The following ANKIB1 variants were observed in gnomAD, a reference collection of about 807,000 sequenced individuals.
The protein encoded by ANKIB1 is ankyrin repeat and IBR domain containing 1, also known as ankyrin repeat and IBR domain-containing protein 1.
ANKIB1 carries 43 observed loss-of-function variants against 122.1 expected under a neutral mutation model. The ratio of observed to expected loss-of-function variants is 0.35; its 90% CI spans 0.28 to 0.45. ANKIB1 has a LOEUF of 0.45. Ranked by LOEUF, ANKIB1 falls within the 20% of genes least tolerant of loss-of-function variation. The pLI, the probability that ANKIB1 is intolerant of heterozygous loss-of-function variation, is 1.00. For missense variants in ANKIB1, 992 were observed against 1,329.5 expected, an observed-to-expected ratio of 0.75 and a Z score of 3.95; for synonymous variants, 390 against 442.0, an observed-to-expected ratio of 0.88 and a Z score of 1.48.
chr7:92,262,475 G>C (rs1260478931), intron 1 of ANKIB1, among the ~76,000 whole-genome samples: 1 of 152,168 alleles, frequency 6.6e-6, no homozygotes, highest in African/African-American at 2.4e-5. Flanking sequence ...TGAATTATCT[G>C]TATAGCAGAA....
intron 1 of ANKIB1, among the ~76,000 whole-genome samples, chr7:92,266,688 C>T (rs1460635939): frequency 1.3e-5 from 2 of 152,188 alleles, no homozygotes; most frequent in Non-Finnish European, 2.9e-5. Flanking sequence ...AAACTGTAGA[C>T]CTCTCTGGGA....
At chr7:92,314,835 T>C (rs1202673571) in intron 3 of ANKIB1, among the ~76,000 whole-genome samples, 1 of 152,140 alleles carries the variant, frequency 6.6e-6, no homozygotes, top group East Asian at 1.9e-4. Flanking sequence ...ACCAATGTAT[T>C]AGAAGGAGTG....
At chr7:92,251,177 G>T (rs188892381) in intron 1 of ANKIB1, among the ~76,000 whole-genome samples, 1 of 152,148 alleles carries the variant, frequency 6.6e-6, no homozygotes, top group Admixed American at 6.5e-5. Flanking sequence ...CATTAACAAT[G>T]ACTAAATTAT....
intron 1 of ANKIB1, among the ~76,000 whole-genome samples, chr7:92,252,642 T>C (rs759266549): frequency 2.0e-5 from 3 of 152,172 alleles, no homozygotes; most frequent in Non-Finnish European, 4.4e-5. Flanking sequence ...ATTTCAATTT[T>C]GTGAAATGTG....
intron 1 of ANKIB1, among the ~76,000 whole-genome samples, chr7:92,289,992 T>C (rs577478718): frequency 2.6e-5 from 4 of 152,324 alleles, no homozygotes; most frequent in Admixed American, 2.0e-4. Flanking sequence ...AATTTTTGTA[T>C]TTTTTGTAGA....
chr7:92,396,517 C>T (rs368601296), intron 18 of ANKIB1, 41 bp downstream of exon 18: 87 of 981,610 alleles, frequency 8.9e-5, no homozygotes, highest in Non-Finnish European at 5.5e-5. Flanking sequence ...TCATAGCTCC[C>T]CTGAATTTAT....
intron 11 of ANKIB1, among the ~76,000 whole-genome samples, chr7:92,379,395 AAAAC>A (rs1439169518): frequency 2.0e-5 from 3 of 152,232 alleles, no homozygotes; most frequent in Non-Finnish European, 4.4e-5. Flanking sequence ...CCATCTAAAA[AAAAC>A]TAATTCAGAA....
intron 10 of ANKIB1, among the ~76,000 whole-genome samples, chr7:92,367,928 A>G (rs1279398983): frequency 6.6e-6 from 1 of 152,062 alleles, no homozygotes; most frequent in African/African-American, 2.4e-5. Context: ...GGCCAAGGCA[A>G]GAGGATCACT....
chr7:92,399,148 T>G lies in ANKIB1; in HGVS notation c.*199T>G. On this transcript the variant is annotated 3_prime_UTR_variant, in exon 20 of 20. Transcript: ENST00000265742. ...ACAGGGAATTTCCTTTGTACTTAAT[T>G]GAATAGCTTTTCCCCTTTTTGCTGA... The G allele has an allele frequency of 2.1e-6, 1 of 466,220 alleles. No homozygotes were observed. Among genetic ancestry groups the G allele is most frequent in the Non-Finnish European group, 3.5e-6 (1 of 287,410 alleles). 28.9% of individuals were successfully genotyped at this position (466,220 alleles called of 1,614,324 possible).
At chr7:92,356,104 G>A (rs1230392296) in intron 9 of ANKIB1, among the ~76,000 whole-genome samples, 1 of 152,064 alleles carries the variant, frequency 6.6e-6, no homozygotes, top group African/African-American at 2.4e-5. Flanking sequence ...CTGAAAGTGA[G>A]TACTTTTTTC....
intron 11 of ANKIB1, among the ~76,000 whole-genome samples, chr7:92,374,404 G>A (rs2115651183): frequency 6.6e-6 from 1 of 152,270 alleles, no homozygotes; most frequent in Middle Eastern, 3.4e-3. Context: ...CTTGAACCTG[G>A]GAGGCGGAGG....
chr7:92,259,702 C>T (rs1157831856), intron 1 of ANKIB1, among the ~76,000 whole-genome samples: 1 of 152,136 alleles, frequency 6.6e-6, no homozygotes, highest in Non-Finnish European at 1.5e-5. Flanking sequence ...TAATAAGCTT[C>T]TCAAATGTAA....
intron 2 of ANKIB1, among the ~76,000 whole-genome samples, chr7:92,306,762 C>G (rs151054306): frequency 2.0e-5 from 3 of 152,236 alleles, no homozygotes; most frequent in African/African-American, 7.2e-5. Context: ...ATAGCTCAAG[C>G]AGATTAAGAC....
At chr7:92,290,339 T>C (rs1802219364) in intron 1 of ANKIB1, among the ~76,000 whole-genome samples, 1 of 150,976 alleles carries the variant, frequency 6.6e-6, no homozygotes, top group Non-Finnish European at 1.5e-5. Context: ...TGCAGATAAT[T>C]GCAGAAGACT....
intron 1 of ANKIB1, among the ~76,000 whole-genome samples, chr7:92,248,888 C>CTTTTTTTT (rs778549860): frequency 2.4e-5 from 3 of 123,022 alleles, no homozygotes; most frequent in African/African-American, 3.0e-5. Flanking sequence ...TCTTTTCTTT[C>CTTTTTTTT]TTTTTTTTTT....
At chr7:92,275,768 G>C (rs1168008712) in intron 1 of ANKIB1, among the ~76,000 whole-genome samples, 1 of 152,196 alleles carries the variant, frequency 6.6e-6, no homozygotes, top group Non-Finnish European at 1.5e-5. Context: ...GATTTTGACA[G>C]TTGGGGTACA....
chr7:92,308,431 G>A (rs1585099764), intron 3 of ANKIB1, among the ~76,000 whole-genome samples: 1 of 151,856 alleles, frequency 6.6e-6, no homozygotes, highest in Non-Finnish European at 1.5e-5. Context: ...TTGGCAAGTG[G>A]GACCTATAGT....
intron 10 of ANKIB1, among the ~76,000 whole-genome samples, chr7:92,364,672 T>C (rs1804032163): frequency 6.6e-6 from 1 of 152,182 alleles, no homozygotes; most frequent in Admixed American, 6.5e-5. Flanking sequence ...AAGGTAGGTG[T>C]TGCCAGATTG....
chr7:92,316,734 A>T (rs1802800363), intron 3 of ANKIB1, among the ~76,000 whole-genome samples: 1 of 149,728 alleles, frequency 6.7e-6, no homozygotes. Context: ...CTTCACACAC[A>T]TTTTTTTAAC....
Sources: allele counts gnomAD v4.1 joint callset (sites outside exome capture counted in the v4.1 genomes callset), GRCh38; gene constraint gnomAD v4.1.1; transcripts MANE v1.5; gene names NCBI Gene and HGNC (gene_info 2026-07-23, HGNC 2026-07-21).